The following PPFIBP1 variants were observed in gnomAD, a reference collection of about 807,000 sequenced individuals.
The protein encoded by PPFIBP1 is PPFIB scaffold protein 1, also known as liprin-beta-1.
Under a neutral mutation model 137.8 loss-of-function variants are expected in PPFIBP1, and 112 were observed. The ratio of observed to expected loss-of-function variants is 0.81; its 90% CI spans 0.70 to 0.95. The LOEUF (loss-of-function observed/expected upper bound fraction) is 0.95, where lower values mean the gene tolerates loss of function less well. Ranked by LOEUF, PPFIBP1 falls within the 40% of genes least tolerant of loss-of-function variation. The pLI, the probability that PPFIBP1 is intolerant of heterozygous loss-of-function variation, is 0.00. For missense variants in PPFIBP1, 1,083 were observed against 1,196.6 expected (o/e 0.91, Z 1.40); for synonymous variants, 378 against 417.3 (o/e 0.91, Z 1.15).
At chr12:27,573,917 G>A (rs1222870796) in intron 1 of PPFIBP1, among the ~76,000 whole-genome samples, 1 of 151,458 alleles carries the variant, frequency 6.6e-6, no homozygotes, top group Non-Finnish European at 1.5e-5. Flanking sequence ...AGGCTTTCGA[G>A]GCTGTAGTGA....
At chr12:27,641,735 A>G (rs1472059481) in intron 4 of PPFIBP1, among the ~76,000 whole-genome samples, 1 of 152,120 alleles carries the variant, frequency 6.6e-6, no homozygotes, top group African/African-American at 2.4e-5. Flanking sequence ...CACCCGACCA[A>G]TCAGGTAGTA....
intron 1 of PPFIBP1, among the ~76,000 whole-genome samples, chr12:27,527,118 A>G (rs2135707919): frequency 6.6e-6 from 1 of 152,304 alleles, no homozygotes; most frequent in Admixed American, 6.5e-5. Flanking sequence ...TTCATAAAAT[A>G]TTTGTATAAG....
At chr12:27,649,375 A>G (rs1434459987) in intron 6 of PPFIBP1, among the ~76,000 whole-genome samples, 13 of 152,314 alleles carry the variant, frequency 8.5e-5, no homozygotes, top group South Asian at 8.3e-4. Context: ...ATTTGTTACA[A>G]CCGGTGCCTG....
At chr12:27,554,224 C>T (rs978936178) in intron 1 of PPFIBP1, among the ~76,000 whole-genome samples, 2 of 152,238 alleles carry the variant, frequency 1.3e-5, no homozygotes, top group African/African-American at 4.8e-5. Flanking sequence ...ACACTCATCC[C>T]AACATCCCAA....
rs1240402587 is a variant in PPFIBP1, at chr12:27,543,722, A to G, written c.-124+19357A>G. Among the ~76,000 whole-genome samples the G allele has an allele frequency of 2.0e-5, 3 of 152,204 alleles. No individual in the cohort carries two copies. In the East Asian group the frequency reaches 5.8e-4, roughly 29 times the overall value. ...GTCATGTTTAGAGTTCAAGGATCAA[A>G]TTGAGCATACCGTTGGCTAAATCTT... On this transcript the variant is annotated intron_variant, in intron 1 of 29. Transcript: ENST00000228425.
chr12:27,673,415 C>T (rs149777613), intron 15 of PPFIBP1, among the ~76,000 whole-genome samples: 120 of 152,254 alleles, frequency 7.9e-4, no homozygotes, highest in African/African-American at 2.8e-3. Context: ...ATAAATAGTA[C>T]GTGAGTATTT....
At chr12:27,539,070 C>G (rs1945368543) in intron 1 of PPFIBP1, among the ~76,000 whole-genome samples, 2 of 152,088 alleles carry the variant, frequency 1.3e-5, no homozygotes, top group African/African-American at 4.8e-5. Flanking sequence ...ATCAGTAGTG[C>G]TGAGGTTGAG....
chr12:27,625,218 C>A (rs7954670), intron 2 of PPFIBP1, among the ~76,000 whole-genome samples: 1 of 152,084 alleles, frequency 6.6e-6, no homozygotes, highest in Admixed American at 6.6e-5. Context: ...CCACTGCACT[C>A]CAGCCTGGGC....
At position 27,634,462 on chromosome 12, in the gene PPFIBP1, T is replaced by C. The variant is rs188814261; in HGVS notation, c.65-448T>C. On this transcript the variant is annotated intron_variant, in intron 3 of 29. Coordinates refer to ENST00000228425, the MANE Select transcript of PPFIBP1 (RefSeq NM_003622.4). ...TTTAATGCATTGAGCTCATTATCTTTCCTCAGAATTTACTCTGATAGTCTT... is the reference window on the plus strand; with the variant it reads ...TTTAATGCATTGAGCTCATTATCTTCCCTCAGAATTTACTCTGATAGTCTT... Among the ~76,000 whole-genome samples the C allele has an allele frequency of 1.5e-4, 23 of 152,308 alleles. No individual in the cohort carries two copies. The East Asian group carries it at 4.4e-3, about 29-fold the overall frequency.
At chr12:27,594,873 C>T (rs1389920552) in intron 2 of PPFIBP1, among the ~76,000 whole-genome samples, 3 of 152,160 alleles carry the variant, frequency 2.0e-5, no homozygotes, top group East Asian at 3.8e-4. Flanking sequence ...GTGAATGTGG[C>T]TATCACATCA....
At chr12:27,593,878 G>T in intron 2 of PPFIBP1, 1 of 1,468,592 alleles carries the variant, frequency 6.8e-7, no homozygotes, top group Non-Finnish European at 9.0e-7. Context: ...GGATGGGAGG[G>T]AGAAAGTGGA....
At chr12:27,568,375 A>T (rs1394702813) in intron 1 of PPFIBP1, among the ~76,000 whole-genome samples, 1 of 152,138 alleles carries the variant, frequency 6.6e-6, no homozygotes, top group Non-Finnish European at 1.5e-5. Flanking sequence ...TTTGCAGGGG[A>T]GAGTGTTCTT....
chr12:27,586,910 AT>A (rs2051826245), intron 2 of PPFIBP1, among the ~76,000 whole-genome samples: 1 of 152,202 alleles, frequency 6.6e-6, no homozygotes, highest in Non-Finnish European at 1.5e-5. Flanking sequence ...GAAACAAAAA[AT>A]TTAAAAGATG....
Position 27,654,721 on chromosome 12 carries a change from G to A in PPFIBP1, c.604-1G>A. 6.2e-7 allele frequency: 1 copy of A among 1,610,174 alleles called. No homozygotes were observed. Among genetic ancestry groups the A allele is most frequent in the East Asian group, 2.2e-5 (1 of 44,722 alleles). ...GTACTTTCTTGTTTCTTCTTGGACA[G>A]GGGCTGATTCAGGAGATCAATGATT... On this transcript the variant is annotated splice_acceptor_variant, in intron 7 of 29. Transcript: ENST00000228425. LOFTEE classifies it high-confidence loss of function.
At chr12:27,605,174 A>T (rs2137909540) in intron 2 of PPFIBP1, among the ~76,000 whole-genome samples, 1 of 152,360 alleles carries the variant, frequency 6.6e-6, no homozygotes. Flanking sequence ...CGAAAATGAC[A>T]TTGGTTAATG....
chr12:27,600,698 A>G (rs1006755427), intron 2 of PPFIBP1, among the ~76,000 whole-genome samples: 3 of 152,184 alleles, frequency 2.0e-5, no homozygotes, highest in African/African-American at 7.2e-5. Flanking sequence ...ACATATTAGT[A>G]TATCATTTTA....
At position 27,578,070 on chromosome 12, in the gene PPFIBP1, A is replaced by G. The variant is rs144458412; in HGVS notation, c.-123-82A>G. On this transcript the variant is annotated intron_variant, in intron 1 of 29. Transcript: ENST00000228425. ...CATGTTATCTAGTTTAATATTCTTT[A>G]TATAATCAGCCATTTGCCACTTTTA... The G allele has an allele frequency of 6.8e-4, 104 of 152,310 alleles. 1 individual carries two copies. Among genetic ancestry groups the G allele is most frequent in the Middle Eastern group, 3.4e-3 (1 of 294 alleles). 9.4% of individuals were successfully genotyped at this position (152,310 alleles called of 1,614,324 possible).
chr12:27,646,237 A>G, intron 5 of PPFIBP1, 89 bp downstream of exon 5: 3 of 978,562 alleles, frequency 3.1e-6, no homozygotes, highest in Non-Finnish European at 4.8e-6. Context: ...GCTTGCAGCA[A>G]TCAGACTGCT....
intron 7 of PPFIBP1, among the ~76,000 whole-genome samples, chr12:27,650,342 C>A (rs1391302061): frequency 1.3e-5 from 2 of 152,174 alleles, no homozygotes; most frequent in Non-Finnish European, 2.9e-5. Context: ...ATGCTAATGG[C>A]AATTTTTATT....
Sources: allele counts gnomAD v4.1 joint callset (sites outside exome capture counted in the v4.1 genomes callset), GRCh38; gene constraint gnomAD v4.1.1; transcripts MANE v1.5; gene names NCBI Gene and HGNC (gene_info 2026-07-23, HGNC 2026-07-21).